RPS6KC1: variants seen among roughly 807,000 people sequenced by gnomAD.
The protein encoded by RPS6KC1 is inactive ribosomal protein S6 kinase delta-1.
Under a neutral mutation model 103.8 loss-of-function variants are expected in RPS6KC1, and 54 were observed. The ratio of observed to expected loss-of-function variants is 0.52; its 90% CI spans 0.42 to 0.65. The LOEUF (loss-of-function observed/expected upper bound fraction) is 0.65, where lower values mean the gene tolerates loss of function less well. Ranked by LOEUF, RPS6KC1 falls within the 30% of genes least tolerant of loss-of-function variation. The pLI, the probability that RPS6KC1 is intolerant of heterozygous loss-of-function variation, is 0.00. For synonymous variants in RPS6KC1, 439 were observed against 438.7 expected, an observed-to-expected ratio of 1.00 and a Z score of -0.01; for missense variants, 1,151 against 1,253.8, an observed-to-expected ratio of 0.92 and a Z score of 1.24.
the RPS6KC1 span, among the ~76,000 whole-genome samples, chr1:213,816,358 A>G: frequency 6.6e-6 from 1 of 152,224 alleles, no homozygotes; most frequent in South Asian, 2.1e-4. Flanking sequence ...AAACAAGGGC[A>G]TGCCTATAAT....
At chr1:213,554,621 T>A in the RPS6KC1 span, among the ~76,000 whole-genome samples, 121 of 152,338 alleles carry the variant, frequency 7.9e-4, no homozygotes, top group African/African-American at 2.8e-3. Context: ...AACCACCTTT[T>A]TTCTATCTCC....
At chr1:213,112,626 C>T (rs1046525663) in intron 4 of RPS6KC1, among the ~76,000 whole-genome samples, 14 of 151,678 alleles carry the variant, frequency 9.2e-5, no homozygotes, top group Non-Finnish European at 2.1e-4. Context: ...AGGGTAGTTA[C>T]ATATGTATAC....
chr1:213,776,580 T>C, the RPS6KC1 span, among the ~76,000 whole-genome samples: 2 of 152,202 alleles, frequency 1.3e-5, no homozygotes, highest in Admixed American at 6.5e-5. Flanking sequence ...CACTGTTTCA[T>C]TGATAGAGCA....
chr1:213,595,631 G>C, the RPS6KC1 span, among the ~76,000 whole-genome samples: 2 of 152,182 alleles, frequency 1.3e-5, no homozygotes, highest in African/African-American at 4.8e-5. Flanking sequence ...TGGTTTTGCT[G>C]GACCAGCCCA....
the RPS6KC1 span, among the ~76,000 whole-genome samples, chr1:213,285,174 T>C: frequency 1.3e-5 from 2 of 152,228 alleles, no homozygotes; most frequent in Non-Finnish European, 2.9e-5. Flanking sequence ...GGCTGCCTTC[T>C]GGGTTGTAGA....
At chr1:213,645,680 G>A in the RPS6KC1 span, among the ~76,000 whole-genome samples, 8 of 152,232 alleles carry the variant, frequency 5.3e-5, no homozygotes, top group Non-Finnish European at 7.4e-5. Context: ...CAATAGCTCC[G>A]TTTTCTTAAA....
At chr1:213,488,734 A>G in the RPS6KC1 span, among the ~76,000 whole-genome samples, 2 of 152,242 alleles carry the variant, frequency 1.3e-5, no homozygotes, top group East Asian at 1.9e-4. Flanking sequence ...GGAATTGGGA[A>G]TCCCATTTGT....
At chr1:213,568,160 G>A in the RPS6KC1 span, among the ~76,000 whole-genome samples, 2 of 152,202 alleles carry the variant, frequency 1.3e-5, no homozygotes, top group Non-Finnish European at 2.9e-5. Context: ...TCTGAAAAAT[G>A]ATGAGCCTTC....
the RPS6KC1 span, among the ~76,000 whole-genome samples, chr1:213,442,120 A>G: frequency 1.3e-5 from 2 of 152,230 alleles, no homozygotes; most frequent in African/African-American, 4.8e-5. Context: ...GGGAAGACAT[A>G]CCAGAATCTC....
the RPS6KC1 span, among the ~76,000 whole-genome samples, chr1:213,524,375 G>A: frequency 6.6e-6 from 1 of 151,714 alleles, no homozygotes; most frequent in East Asian, 1.9e-4. Flanking sequence ...CATCAGCCAG[G>A]TCTCCCACTC....
intron 4 of RPS6KC1, among the ~76,000 whole-genome samples, chr1:213,112,489 A>C (rs2083122206): frequency 6.6e-6 from 1 of 151,738 alleles, no homozygotes; most frequent in African/African-American, 2.4e-5. Context: ...ATCTCTACTA[A>C]AAGTACCTTA....
intron 2 of RPS6KC1, among the ~76,000 whole-genome samples, chr1:213,075,130 C>T (rs988703648): frequency 2.0e-5 from 3 of 152,002 alleles, no homozygotes; most frequent in Admixed American, 6.6e-5. Context: ...GGATTACAGG[C>T]GTGAGCCACC....
At chr1:213,581,708 C>T in the RPS6KC1 span, among the ~76,000 whole-genome samples, 16 of 152,090 alleles carry the variant, frequency 1.1e-4, no homozygotes, top group South Asian at 2.1e-4. Context: ...AAGTGGAGCC[C>T]TGCGTATCAA....
chr1:213,553,604 A>G, the RPS6KC1 span, among the ~76,000 whole-genome samples: 15 of 152,108 alleles, frequency 9.9e-5, no homozygotes, highest in Admixed American at 9.8e-4. Context: ...GTAGTACTCA[A>G]TGTACTTTCC....
chr1:213,398,196 CTTTTTTTTTTT>C, the RPS6KC1 span, among the ~76,000 whole-genome samples: 1 of 109,480 alleles, frequency 9.1e-6, no homozygotes, highest in Middle Eastern at 4.7e-3. Flanking sequence ...CACACCTGGC[CTTTTTTTTTTT>C]TTTTTTTTTT....
chr1:213,636,663 T>C, the RPS6KC1 span, among the ~76,000 whole-genome samples: 1 of 152,102 alleles, frequency 6.6e-6, no homozygotes, highest in Non-Finnish European at 1.5e-5. Context: ...ATAAAAACCC[T>C]AGAAGAAAAC....
At chr1:213,492,880 C>T in the RPS6KC1 span, among the ~76,000 whole-genome samples, 4 of 152,240 alleles carry the variant, frequency 2.6e-5, no homozygotes, top group South Asian at 2.1e-4. Context: ...GCCAGGCCTC[C>T]GCTGACCATG....
At chr1:213,854,548 CTTTCTT>C in the RPS6KC1 span, among the ~76,000 whole-genome samples, 19 of 108,046 alleles carry the variant, frequency 1.8e-4, no homozygotes, top group African/African-American at 6.8e-4. Context: ...TTCTTTCTTT[CTTTCTT>C]TCTTTCTTTC....
chr1:213,803,475 G>A, the RPS6KC1 span, among the ~76,000 whole-genome samples: 4 of 152,130 alleles, frequency 2.6e-5, no homozygotes, highest in Non-Finnish European at 4.4e-5. Context: ...TCAAACTCCC[G>A]ATCCCAGGTG....
Sources: gnomAD v4.1 joint callset for allele counts (sites outside exome capture counted in the v4.1 genomes callset) on GRCh38, gnomAD v4.1.1 for gene constraint, MANE v1.5 for transcripts, NCBI Gene and HGNC (gene_info 2026-07-23, HGNC 2026-07-21) for gene names.